Variants in ICE2 observed in about 807,000 individuals in gnomAD.
ICE2 encodes the protein little elongation complex subunit 2.
A neutral mutation model predicts 105.4 loss-of-function variants in ICE2; 87 were observed. That is an observed-to-expected ratio of 0.83 (90% CI 0.69 to 0.99). ICE2 has a LOEUF of 0.99. Among genes scored for constraint, ICE2 ranks in the 50% least tolerant of loss-of-function variants. ICE2 has a pLI of 0.00. For synonymous variants in ICE2, 399 were observed against 392.0 expected (o/e 1.02, Z -0.21); for missense variants, 1,323 against 1,146.7 (o/e 1.15, Z -2.22).
intron 1 of ICE2, 137 bp downstream of exon 1, chr15:60,478,866 G>A (rs2064848963): frequency 2.3e-6 from 1 of 434,048 alleles, no homozygotes; most frequent in South Asian, 1.6e-5. Flanking sequence ...GCAGGGGTAG[G>A]AGCCGCGCAG....
At chr15:60,460,224 T>C (rs76472123) in intron 5 of ICE2, among the ~76,000 whole-genome samples, 87 of 152,336 alleles carry the variant, frequency 5.7e-4, no homozygotes, top group Admixed American at 9.8e-4. Flanking sequence ...CTGGGTGCGG[T>C]GGCTCACACC....
At chr15:60,459,043 T>G (rs753151733) in intron 5 of ICE2, among the ~76,000 whole-genome samples, 1 of 152,176 alleles carries the variant, frequency 6.6e-6, no homozygotes, top group East Asian at 1.9e-4. Context: ...TGGTGATACC[T>G]GCATAACAAT....
At chr15:60,478,516 C>T (rs2064834369) in intron 1 of ICE2, 1 of 191,582 alleles carries the variant, frequency 5.2e-6, no homozygotes, top group Admixed American at 5.8e-5. Flanking sequence ...AAGAACCTCA[C>T]ATTTGAGAAG....
At chr15:60,431,672 C>A (rs1029805109) in intron 14 of ICE2, among the ~76,000 whole-genome samples, 10 of 152,070 alleles carry the variant, frequency 6.6e-5, no homozygotes, top group Non-Finnish European at 8.8e-5. Context: ...TTCAAGCCAC[C>A]AAGTTAGTGG....
chr15:60,444,105 T>TA (rs1020980962), intron 11 of ICE2, among the ~76,000 whole-genome samples: 1 of 151,838 alleles, frequency 6.6e-6, no homozygotes, highest in South Asian at 2.1e-4. Flanking sequence ...TTGTCTCTTT[T>TA]AAAAAAAGAA....
chr15:60,428,318 G>A (rs557013280), intron 15 of ICE2, 111 bp downstream of exon 15: 3 of 1,165,598 alleles, frequency 2.6e-6, no homozygotes, highest in East Asian at 2.4e-5. Context: ...TTTTAGAATG[G>A]TGCTGTGATT....
At chr15:60,445,784 G>T in intron 11 of ICE2, 5 of 985,274 alleles carry the variant, frequency 5.1e-6, no homozygotes, top group Non-Finnish European at 6.0e-6. Context: ...ATTTCTAAGT[G>T]CTGTAAGCTG....
intron 5 of ICE2, among the ~76,000 whole-genome samples, chr15:60,464,070 C>T (rs2064354169): frequency 6.6e-6 from 1 of 152,134 alleles, no homozygotes; most frequent in Non-Finnish European, 1.5e-5. Flanking sequence ...ATGTACGTGA[C>T]ATTGTACAAC....
intron 9 of ICE2, 37 bp from the exon 10 acceptor site, chr15:60,449,878 T>G: frequency 6.7e-7 from 1 of 1,494,934 alleles, no homozygotes. Context: ...TAGTAAAAAT[T>G]TCAAGCCACC....
At chr15:60,426,924 TA>T (rs1261888806) in intron 15 of ICE2, among the ~76,000 whole-genome samples, 1 of 152,240 alleles carries the variant, frequency 6.6e-6, no homozygotes, top group African/African-American at 2.4e-5. Context: ...CCTTAGGTTA[TA>T]AAAGTTACTA....
chr15:60,462,474 C>T (rs2064305970), intron 5 of ICE2, among the ~76,000 whole-genome samples: 1 of 152,058 alleles, frequency 6.6e-6, no homozygotes, highest in African/African-American at 2.4e-5. Flanking sequence ...TCCGGTTTGG[C>T]CTTTCCACAA....
intron 3 of ICE2, among the ~76,000 whole-genome samples, chr15:60,474,480 A>G (rs934591239): frequency 1.3e-5 from 2 of 152,158 alleles, no homozygotes; most frequent in Non-Finnish European, 2.9e-5. Flanking sequence ...ATAGAATACA[A>G]TACAGCTATA....
intron 6 of ICE2, 33 bp from the exon 7 acceptor site, chr15:60,455,475 A>T: frequency 7.2e-7 from 1 of 1,381,314 alleles, no homozygotes; most frequent in Non-Finnish European, 1.0e-6. Context: ...TTTATTGCAA[A>T]AATCGCAATG....
intron 13 of ICE2, among the ~76,000 whole-genome samples, chr15:60,432,354 AT>A (rs979285351): frequency 1.3e-5 from 2 of 151,310 alleles, no homozygotes; most frequent in South Asian, 2.1e-4. Context: ...CACCAGGCTG[AT>A]TTTTTTGTAT....
At chr15:60,439,308 T>C (rs1462881058) in intron 12 of ICE2, 4 of 152,256 alleles carry the variant, frequency 2.6e-5, no homozygotes, top group East Asian at 1.9e-4. Flanking sequence ...GAAACGTTAA[T>C]GAAGAGCAGT....
At chr15:60,469,967 C>T (rs116756220) in intron 3 of ICE2, among the ~76,000 whole-genome samples, 1,616 of 152,274 alleles carry the variant, frequency 0.011, 31 homozygotes, top group African/African-American at 0.038. Context: ...TACTTCTTGG[C>T]CTGTACACTA....
chr15:60,423,550 C>T lies in ICE2; in HGVS notation c.*84G>A, dbSNP rs527746060. 50 of 1,315,772 alleles carry T rather than the reference C, an allele frequency of 3.8e-5. 1 individual carries two copies. The South Asian group carries it at 7.4e-4, about 19-fold the overall frequency. 81.5% of individuals were successfully genotyped at this position (1,315,772 alleles called of 1,614,324 possible). On this transcript the variant is annotated 3_prime_UTR_variant, in exon 16 of 16. Coordinates refer to ENST00000261520, the MANE Select transcript of ICE2 (RefSeq NM_024611.6). ...ACTACAGGAAAAATGTTCCTCTTGC[C>T]TACTGATTATTTTCCCTCAAACTTA...
chr15:60,454,833 G>T, intron 8 of ICE2, 170 bp downstream of exon 8: 1 of 532,970 alleles, frequency 1.9e-6, no homozygotes, highest in Non-Finnish European at 3.2e-6. Context: ...TTAGGTATTT[G>T]TCCTAATGCT....
intron 4 of ICE2, 105 bp downstream of exon 4, chr15:60,467,956 T>C: frequency 9.2e-7 from 1 of 1,090,476 alleles, no homozygotes; most frequent in Non-Finnish European, 1.3e-6. Flanking sequence ...ACGTTTTCCA[T>C]TTTAAAAAAA....
Sources: gnomAD v4.1 joint callset for allele counts (sites outside exome capture counted in the v4.1 genomes callset) on GRCh38, gnomAD v4.1.1 for gene constraint, MANE v1.5 for transcripts, NCBI Gene and HGNC (gene_info 2026-07-23, HGNC 2026-07-21) for gene names.